STON2: variants seen among roughly 807,000 people sequenced by gnomAD.
STON2 encodes the protein stonin 2.
In STON2, 29 loss-of-function variants were observed where a neutral mutation model predicts 65.7. That is an observed-to-expected ratio of 0.44 (90% CI 0.33 to 0.60). The LOEUF is 0.60. Among genes scored for constraint, STON2 ranks in the 20% least tolerant of loss-of-function variants. STON2 has a pLI of 0.03. For missense variants in STON2, 1,054 were observed against 1,118.1 expected (o/e 0.94, Z 0.82); for synonymous variants, 404 against 414.2 (o/e 0.98, Z 0.30).
intron 5 of STON2, among the ~76,000 whole-genome samples, chr14:81,301,283 C>T (rs1895959460): frequency 6.6e-6 from 1 of 151,990 alleles, no homozygotes; most frequent in South Asian, 2.1e-4. Context: ...TAATGTCAGC[C>T]AAAAAAGACA....
intron 3 of STON2, among the ~76,000 whole-genome samples, chr14:81,379,766 T>C (rs1473576286): frequency 6.6e-6 from 1 of 152,160 alleles, no homozygotes; most frequent in Non-Finnish European, 1.5e-5. Context: ...ATTCAATAAA[T>C]GGTGTTGAGA....
chr14:81,308,227 A>G (rs142747688), intron 5 of STON2, among the ~76,000 whole-genome samples: 2,531 of 152,174 alleles, frequency 0.017, 66 homozygotes, highest in African/African-American at 0.051. Context: ...TTTTTTTGAG[A>G]CAGAGTTTTG....
At chr14:81,334,598 C>A (rs1897308177) in intron 4 of STON2, among the ~76,000 whole-genome samples, 1 of 152,188 alleles carries the variant, frequency 6.6e-6, no homozygotes, top group Non-Finnish European at 1.5e-5. Context: ...CTCCAAAATG[C>A]CCTTTCTGGG....
intron 4 of STON2, among the ~76,000 whole-genome samples, chr14:81,342,341 G>C (rs2140295818): frequency 6.6e-6 from 1 of 152,204 alleles, no homozygotes; most frequent in South Asian, 2.1e-4. Flanking sequence ...CGCCACATTG[G>C]CCAGGCTGGT....
chr14:81,354,300 G>C (rs919319586), intron 4 of STON2, among the ~76,000 whole-genome samples: 1 of 152,218 alleles, frequency 6.6e-6, no homozygotes, highest in Non-Finnish European at 1.5e-5. Flanking sequence ...GCCATCTAGA[G>C]AATCTGAAAG....
upstream of STON2, among the ~76,000 whole-genome samples, chr14:81,403,620 A>G (rs3853421): frequency 0.25 from 37,899 of 152,010 alleles, 7,175 homozygotes; most frequent in African/African-American, 0.51. Context: ...TGACAAGTGC[A>G]GCATCCTAAC....
At position 81,398,444 on chromosome 14, in the gene STON2, G is replaced by T; in HGVS notation, c.-62C>A. ...TCAGGTGAACCCCAGAATACTGTCT[G>T]GGGTGGGCTGGAGTAGGGGTATGGT... On this transcript the variant is annotated 5_prime_UTR_variant, in exon 2 of 8. Transcript: ENST00000614646. 2.2e-6 allele frequency: 3 copies of T among 1,390,658 alleles called. No individual in the cohort carries two copies. In the African/African-American group the frequency reaches 4.3e-5, roughly 20 times the overall value. The allele number at this position is 1,390,658 out of a possible 1,614,324, so 86.1% of individuals were successfully genotyped here.
At chr14:81,288,325 G>GT (rs1895419316) in intron 5 of STON2, among the ~76,000 whole-genome samples, 1 of 152,118 alleles carries the variant, frequency 6.6e-6, no homozygotes, top group Non-Finnish European at 1.5e-5. Flanking sequence ...ATAGAGTGTA[G>GT]TTACACACAC....
intron 1 of STON2, among the ~76,000 whole-genome samples, chr14:81,427,707 T>A (rs1299607115): frequency 1.3e-5 from 2 of 149,150 alleles, no homozygotes; most frequent in Non-Finnish European, 3.0e-5. Flanking sequence ...AGAATAAGGA[T>A]GAGATGGGAA....
intron 7 of STON2, chr14:81,269,860 A>G (rs1405362895): frequency 3.0e-6 from 3 of 985,246 alleles, no homozygotes; most frequent in Non-Finnish European, 3.6e-6. Context: ...GATTCCTTCC[A>G]CAGCCCTGAC....
chr14:81,314,970 A>C (rs1465300476), intron 5 of STON2, among the ~76,000 whole-genome samples: 1 of 152,084 alleles, frequency 6.6e-6, no homozygotes, highest in Non-Finnish European at 1.5e-5. Context: ...TCAACCTCCC[A>C]AAGTGTTGGG....
chr14:81,425,682 T>C (rs1220917258), intron 2 of STON2, among the ~76,000 whole-genome samples: 1 of 152,206 alleles, frequency 6.6e-6, no homozygotes, highest in Non-Finnish European at 1.5e-5. Context: ...TACGTAATAC[T>C]AAAACACTGT....
At chr14:81,370,604 C>T (rs1183613022) in intron 4 of STON2, among the ~76,000 whole-genome samples, 1 of 152,204 alleles carries the variant, frequency 6.6e-6, no homozygotes, top group African/African-American at 2.4e-5. Flanking sequence ...ATCTACCTCC[C>T]TCTTATTGAA....
intron 3 of STON2, among the ~76,000 whole-genome samples, chr14:81,375,551 CAG>C (rs1274890335): frequency 6.6e-6 from 1 of 151,756 alleles, no homozygotes; most frequent in Non-Finnish European, 1.5e-5. Context: ...CAAAAATTGA[CAG>C]AACTGTAAGA....
chr14:81,362,094 A>C (rs1306094491), intron 4 of STON2, among the ~76,000 whole-genome samples: 1 of 152,150 alleles, frequency 6.6e-6, no homozygotes, highest in Non-Finnish European at 1.5e-5. Context: ...AAAACTAAAA[A>C]TAGAATTATG....
chr14:81,387,806 C>T (rs911701006), intron 3 of STON2, among the ~76,000 whole-genome samples: 2 of 150,962 alleles, frequency 1.3e-5, no homozygotes, highest in Non-Finnish European at 3.0e-5. Flanking sequence ...GCAGGAGAAT[C>T]ACTTCAACCC....
rs529788417 is a variant in STON2, at chr14:81,390,914, C to T, written c.373+4980G>A. On this transcript the variant is annotated intron_variant, in intron 3 of 7. Transcript: ENST00000614646. ...GTATCTTGCAGCTTCTGGTGGCTGC[C>T]GGCATTCCTTGGCTGTGGCTTCATC... Among the ~76,000 whole-genome samples, 27 of 152,300 alleles carry T rather than the reference C, an allele frequency of 1.8e-4. 1 individual carries two copies. The highest frequency in any genetic ancestry group is 1.6e-3 in the Admixed American group (24 of 15,288).
At chr14:81,354,888 G>A (rs187561294) in intron 4 of STON2, among the ~76,000 whole-genome samples, 3 of 152,054 alleles carry the variant, frequency 2.0e-5, no homozygotes, top group Non-Finnish European at 4.4e-5. Flanking sequence ...ATGGTGGCAC[G>A]TTCCTGTAAT....
chr14:81,285,568 T>C (rs1409766035), intron 5 of STON2, among the ~76,000 whole-genome samples: 1 of 152,232 alleles, frequency 6.6e-6, no homozygotes, highest in African/African-American at 2.4e-5. Flanking sequence ...ATAAGCATGA[T>C]CCACTGCACT....
Sources: gnomAD v4.1 joint callset for allele counts (sites outside exome capture counted in the v4.1 genomes callset) on GRCh38, gnomAD v4.1.1 for gene constraint, MANE v1.5 for transcripts, NCBI Gene and HGNC (gene_info 2026-07-23, HGNC 2026-07-21) for gene names.